Variants in TIMM23B observed in about 807,000 individuals in gnomAD.
TIMM23B encodes the protein mitochondrial import inner membrane translocase subunit Tim23B.
In TIMM23B, 27 loss-of-function variants were observed where a neutral mutation model predicts 27.3. The ratio of observed to expected loss-of-function variants is 0.99; its 90% CI spans 0.73 to 1.36. The LOEUF (loss-of-function observed/expected upper bound fraction) is 1.36. Ranked by LOEUF, TIMM23B falls within the 40% of genes most tolerant of loss-of-function variation. The pLI, the probability that TIMM23B is intolerant of heterozygous loss-of-function variation, is 0.00. For missense variants in TIMM23B, 205 were observed against 244.2 expected, an observed-to-expected ratio of 0.84 and a Z score of 1.07; for synonymous variants, 73 against 92.4, an observed-to-expected ratio of 0.79 and a Z score of 1.21.
At chr10:49,967,634 T>TC (rs1363807853) in intron 6 of TIMM23B, among the ~76,000 whole-genome samples, 1 of 152,020 alleles carries the variant, frequency 6.6e-6, no homozygotes, top group Non-Finnish European at 1.5e-5. Context: ...TTTTGCTTTT[T>TC]CTCTTCTGAG....
intron 3 of TIMM23B, 36 bp from the exon 4 acceptor site, chr10:49,952,413 G>T: frequency 6.2e-7 from 1 of 1,600,458 alleles, no homozygotes; most frequent in South Asian, 1.1e-5. Flanking sequence ...TTAATATAAA[G>T]CTGTCTTATC....
chr10:49,967,670 T>C (rs561858397), intron 6 of TIMM23B, among the ~76,000 whole-genome samples: 1 of 152,198 alleles, frequency 6.6e-6, no homozygotes, highest in Non-Finnish European at 1.5e-5. Flanking sequence ...TCATAATTTA[T>C]GTTGGAGGTG....
chr10:49,954,992 G>T lies in TIMM23B; in HGVS notation c.345-10G>T. ...CTAAATACAGATTCTTTCTCTTTCTGCCCTGATAGGATTTTGAATATGGTG... is the reference window on the plus strand; with the variant it reads ...CTAAATACAGATTCTTTCTCTTTCTTCCCTGATAGGATTTTGAATATGGTG... On this transcript the variant is annotated splice_polypyrimidine_tract_variant and intron_variant, in intron 4 of 6. Coordinates refer to ENST00000651259, the MANE Select transcript of TIMM23B (RefSeq NM_001290117.2). 5 of 1,612,432 alleles carry T rather than the reference G, an allele frequency of 3.1e-6. No homozygotes were observed. The African/African-American group carries it at 4.0e-5, about 13-fold the overall frequency.
chr10:49,963,458 C>T (rs1387878499), intron 6 of TIMM23B, among the ~76,000 whole-genome samples: 17 of 149,944 alleles, frequency 1.1e-4, no homozygotes, highest in Non-Finnish European at 2.2e-4. Flanking sequence ...GTCTCCGTCT[C>T]GAAATGAAAT....
rs1840525037 is a variant in TIMM23B at position 49,973,150 on chromosome 10, T to C, written c.*86T>C. 1.0e-6 allele frequency: 1 copy of C among 985,202 alleles called. No individual in the cohort carries two copies. Among genetic ancestry groups the C allele is most frequent in the East Asian group, 2.6e-5 (1 of 38,324 alleles). The allele number at this position is 985,202 out of a possible 1,614,324, so 61.0% of individuals were successfully genotyped here. A position where few individuals can be genotyped will look rare whatever the true frequency, so the allele number is the denominator to read the frequency against. ...AAAGGCAGCAAAGTATTAGTAAGTGTACCTCTGACATTTTAACCACCTCTG... is the reference window on the plus strand; with the variant it reads ...AAAGGCAGCAAAGTATTAGTAAGTGCACCTCTGACATTTTAACCACCTCTG... On this transcript the variant is annotated 3_prime_UTR_variant, in exon 7 of 7. Transcript: ENST00000651259.
chr10:49,964,692 G>A (rs1840058378), intron 6 of TIMM23B, among the ~76,000 whole-genome samples: 1 of 151,748 alleles, frequency 6.6e-6, no homozygotes, highest in Non-Finnish European at 1.5e-5. Context: ...AGGTGCAGTG[G>A]CACACTCCAG....
chr10:49,954,718 A>G (rs1251331013), intron 4 of TIMM23B, among the ~76,000 whole-genome samples: 1 of 141,320 alleles, frequency 7.1e-6, no homozygotes, highest in Admixed American at 7.4e-5. Context: ...TATACATTTA[A>G]TAATAAGAGT....
chr10:49,955,274 T>G (rs1405896334), intron 5 of TIMM23B, among the ~76,000 whole-genome samples: 3 of 152,214 alleles, frequency 2.0e-5, no homozygotes, highest in African/African-American at 7.2e-5. Context: ...GAATACCATT[T>G]CTGAATTTTT....
Position 49,952,192 on chromosome 10 carries a change from T to C in TIMM23B, c.232T>C (p.Phe78Leu), listed in dbSNP as rs1177395971. 11 of 1,605,850 alleles carry C rather than the reference T, an allele frequency of 6.8e-6. No homozygotes were observed. The highest frequency in any genetic ancestry group is 9.4e-6 in the Non-Finnish European group (11 of 1,172,526). The change falls in exon 3 of 7, where the codon TTT becomes CTT. Residue 78 changes from phenylalanine to leucine, a missense_variant. By Grantham distance (22) the Phe-to-Leu change is conservative. Transcript: ENST00000651259. ...CTGGGGCAGATTTGAGCTGGCCTTCTTTACGATTGGAGGGTGTTGCATGAC... is the reference window on the plus strand; with the variant it reads ...CTGGGGCAGATTTGAGCTGGCCTTCCTTACGATTGGAGGGTGTTGCATGAC... The part of the protein sequence containing the change: ...KTWGRFELAF[F>L]TIGGCCMTGA...
intron 6 of TIMM23B, among the ~76,000 whole-genome samples, chr10:49,972,281 G>T (rs1200318646): frequency 6.6e-6 from 1 of 152,122 alleles, no homozygotes; most frequent in Admixed American, 6.6e-5. Flanking sequence ...TTTACATTCG[G>T]CACTTTAGGA....
At chr10:49,958,514 T>C in intron 6 of TIMM23B, 34 bp downstream of exon 6, 1 of 1,604,844 alleles carries the variant, frequency 6.2e-7, no homozygotes, top group Non-Finnish European at 8.5e-7. Context: ...CATCTCTTAA[T>C]ATACTTGAAG....
In TIMM23B at chr10:49,952,515, C is replaced by G. The variant is rs1197984746; in HGVS notation, c.326C>G (p.Ser109Cys). Residue 109 changes from serine (S) to cysteine (C), a missense_variant, in exon 4 of 7, where the codon TCC becomes TGC. By Grantham distance (112) the Ser-to-Cys change is moderately radical. Coordinates refer to ENST00000651259, the MANE Select transcript of TIMM23B (RefSeq NM_001290117.2). ...AAGGAAACCCAGAACATGGCCTGGTCCAAACCAGGAAATGTACAGTAAGTC... is the reference window on the plus strand; with the variant it reads ...AAGGAAACCCAGAACATGGCCTGGTGCAAACCAGGAAATGTACAGTAAGTC... ...GLKETQNMAW[S>C]KPGNVQILNM... 6.2e-7 allele frequency: 1 copy of G among 1,612,738 alleles called. No individual in the cohort carries two copies. The highest frequency in any genetic ancestry group is 8.5e-7 in the Non-Finnish European group (1 of 1,179,314).
intron 6 of TIMM23B, among the ~76,000 whole-genome samples, chr10:49,969,021 G>A (rs1554856001): frequency 6.6e-6 from 1 of 152,174 alleles, no homozygotes; most frequent in Non-Finnish European, 1.5e-5. Context: ...GTATAATTCA[G>A]TGAATGTTCT....
At chr10:49,947,718 C>G (rs1839399034) in intron 2 of TIMM23B, among the ~76,000 whole-genome samples, 1 of 152,078 alleles carries the variant, frequency 6.6e-6, no homozygotes, top group Non-Finnish European at 1.5e-5. Flanking sequence ...CACTTGAGCC[C>G]AGGAGTTTGA....
intron 1 of TIMM23B, chr10:49,943,314 C>T (rs1244556954): frequency 6.6e-6 from 1 of 151,992 alleles, no homozygotes; most frequent in Non-Finnish European, 1.5e-5. Context: ...CTCCTGAGCT[C>T]AAACAATCCT....
At chr10:49,950,731 G>A (rs1278477283) in intron 2 of TIMM23B, among the ~76,000 whole-genome samples, 155 of 151,810 alleles carry the variant, frequency 1.0e-3, no homozygotes, top group South Asian at 5.0e-3. Context: ...TAGTAGAGAC[G>A]GGGTTTCACC....
intron 4 of TIMM23B, among the ~76,000 whole-genome samples, chr10:49,954,701 A>T (rs1194598116): frequency 2.0e-5 from 3 of 148,738 alleles, no homozygotes; most frequent in African/African-American, 7.4e-5. Flanking sequence ...ATGTGTATTC[A>T]TTATATTATA....
chr10:49,958,573 G>C (rs1839798095), intron 6 of TIMM23B, 93 bp downstream of exon 6: 1 of 881,002 alleles, frequency 1.1e-6, no homozygotes, highest in Non-Finnish European at 1.8e-6. Flanking sequence ...CTCTGTTGCA[G>C]TATAATCTAG....
chr10:49,945,136 T>C, intron 2 of TIMM23B, 46 bp downstream of exon 2: 1 of 1,601,820 alleles, frequency 6.2e-7, no homozygotes, highest in Non-Finnish European at 8.5e-7. Context: ...TTACCATTTT[T>C]AAAAAAACGC....
Sources: gnomAD v4.1 joint callset for allele counts (sites outside exome capture counted in the v4.1 genomes callset) on GRCh38, gnomAD v4.1.1 for gene constraint, MANE v1.5 for transcripts, NCBI Gene and HGNC (gene_info 2026-07-23, HGNC 2026-07-21) for gene names.